Variants in CLNK observed in about 807,000 individuals in gnomAD.
CLNK encodes cytokine dependent hematopoietic cell linker, also known as cytokine-dependent hematopoietic cell linker.
In CLNK, 74 loss-of-function variants were observed where a neutral mutation model predicts 68.6. The observed-to-expected ratio is 1.08, with a 90% confidence interval of 0.89 to 1.31. The LOEUF (loss-of-function observed/expected upper bound fraction) is 1.31. CLNK is among the 50% of genes most tolerant of loss of function. The pLI is 0.00. For synonymous variants in CLNK, 198 were observed against 172.2 expected (o/e 1.15, Z -1.17); for missense variants, 553 against 515.3 (o/e 1.07, Z -0.71).
At chr4:10,717,389 A>G in the CLNK span, among the ~76,000 whole-genome samples, 1 of 152,196 alleles carries the variant, frequency 6.6e-6, no homozygotes, top group Admixed American at 6.5e-5. Flanking sequence ...TGAGGCCAAG[A>G]GTTTGAGACC....
the CLNK span, among the ~76,000 whole-genome samples, chr4:10,700,899 T>C: frequency 6.6e-6 from 1 of 152,314 alleles, no homozygotes; most frequent in African/African-American, 2.4e-5. Context: ...GCACATATAA[T>C]TACACAGATG....
intron 17 of CLNK, among the ~76,000 whole-genome samples, chr4:10,502,331 G>A (rs1717089658): frequency 6.6e-6 from 1 of 152,032 alleles, no homozygotes; most frequent in African/African-American, 2.4e-5. Context: ...TGAAGGGAGA[G>A]GAGCCCCTTA....
intron 2 of CLNK, among the ~76,000 whole-genome samples, chr4:10,666,744 T>C (rs901855931): frequency 1.3e-5 from 2 of 152,224 alleles, no homozygotes; most frequent in Non-Finnish European, 1.5e-5. Flanking sequence ...GAGGAGCCCA[T>C]CTGTGGACTA....
intron 11 of CLNK, among the ~76,000 whole-genome samples, chr4:10,537,206 G>A (rs953976256): frequency 2.6e-5 from 4 of 152,176 alleles, no homozygotes; most frequent in South Asian, 2.1e-4. Flanking sequence ...GGCTGGGCAC[G>A]GTGGCTCACG....
chr4:10,526,993 A>G (rs1386841703), intron 13 of CLNK, among the ~76,000 whole-genome samples: 1 of 152,216 alleles, frequency 6.6e-6, no homozygotes, highest in Non-Finnish European at 1.5e-5. Flanking sequence ...TACTCTGCCC[A>G]AGGTTCATCA....
At chr4:10,639,022 C>G (rs1723208179) in intron 2 of CLNK, among the ~76,000 whole-genome samples, 1 of 152,228 alleles carries the variant, frequency 6.6e-6, no homozygotes. Flanking sequence ...AGGGCTTCAG[C>G]ATATGCATGT....
At chr4:10,708,250 G>A in the CLNK span, among the ~76,000 whole-genome samples, 1 of 152,088 alleles carries the variant, frequency 6.6e-6, no homozygotes, top group Non-Finnish European at 1.5e-5. Context: ...TAATTTTTAT[G>A]TCAAAAGACT....
chr4:10,488,134 G>C lies in CLNK; in HGVS notation c.*2333C>G, dbSNP rs1405326766. 1 of 151,698 alleles carries C rather than the reference G, an allele frequency of 6.6e-6. No individual in the cohort carries two copies. The highest frequency in any genetic ancestry group is 2.4e-5 in the African/African-American group (1 of 41,230). The allele number at this position is 151,698 out of a possible 1,614,324, so 9.4% of individuals were successfully genotyped here. ...TTTTCTTCCTTTTCCCCTCATTCTT[G>C]CTGTCATCTTAAGGATGCTGAATTT... On this transcript the variant is annotated 3_prime_UTR_variant, in exon 19 of 19. Transcript: ENST00000226951.
chr4:10,603,858 C>T (rs1004070132), intron 2 of CLNK, among the ~76,000 whole-genome samples: 1 of 152,190 alleles, frequency 6.6e-6, no homozygotes, highest in Non-Finnish European at 1.5e-5. Flanking sequence ...GAGTGTAGTA[C>T]AAGATCATCT....
At chr4:10,634,642 C>T (rs533907815) in intron 2 of CLNK, among the ~76,000 whole-genome samples, 5 of 152,188 alleles carry the variant, frequency 3.3e-5, no homozygotes, top group Non-Finnish European at 7.4e-5. Flanking sequence ...TCAGAGGCAC[C>T]TCTGCATTTC....
At chr4:10,548,043 A>T (rs953739309) in intron 8 of CLNK, among the ~76,000 whole-genome samples, 2 of 152,094 alleles carry the variant, frequency 1.3e-5, no homozygotes, top group African/African-American at 4.8e-5. Context: ...TCTATTTTTA[A>T]TTTTTTAGAG....
chr4:10,521,842 C>G (rs1718079776), intron 14 of CLNK, among the ~76,000 whole-genome samples: 1 of 152,112 alleles, frequency 6.6e-6, no homozygotes, highest in Non-Finnish European at 1.5e-5. Context: ...CAAAATTTCT[C>G]TGCGCTAATA....
chr4:10,552,644 A>C (rs1455092855), intron 8 of CLNK, among the ~76,000 whole-genome samples: 2 of 152,070 alleles, frequency 1.3e-5, no homozygotes, highest in African/African-American at 2.4e-5. Context: ...ATCAATCAGC[A>C]GCAAGCACCT....
At chr4:10,510,242 A>G (rs1007573258) in intron 16 of CLNK, among the ~76,000 whole-genome samples, 3 of 152,148 alleles carry the variant, frequency 2.0e-5, no homozygotes, top group Admixed American at 6.6e-5. Context: ...GGAGGGGGGA[A>G]GTCCCCTTCT....
intron 2 of CLNK, among the ~76,000 whole-genome samples, chr4:10,635,116 C>G (rs575887179): frequency 6.6e-6 from 1 of 152,312 alleles, no homozygotes; most frequent in Non-Finnish European, 1.5e-5. Flanking sequence ...TATTAATTTA[C>G]TTATTTAAGC....
intron 1 of CLNK, among the ~76,000 whole-genome samples, chr4:10,676,939 T>C (rs1724898388): frequency 6.6e-6 from 1 of 151,680 alleles, no homozygotes; most frequent in Non-Finnish European, 1.5e-5. Context: ...CTAACAGATA[T>C]TTTATTTTAT....
At chr4:10,678,061 A>G (rs1724945604) in intron 1 of CLNK, among the ~76,000 whole-genome samples, 2 of 152,204 alleles carry the variant, frequency 1.3e-5, no homozygotes, top group Admixed American at 6.5e-5. Flanking sequence ...TTCATCTGTA[A>G]CTTCGAGTAC....
intron 18 of CLNK, among the ~76,000 whole-genome samples, chr4:10,495,559 G>A (rs559995954): frequency 1.2e-4 from 18 of 152,174 alleles, no homozygotes; most frequent in Non-Finnish European, 2.5e-4. Flanking sequence ...GGTGCTAAAT[G>A]ATTCCCCCCA....
At chr4:10,707,749 G>T in the CLNK span, among the ~76,000 whole-genome samples, 1 of 152,146 alleles carries the variant, frequency 6.6e-6, no homozygotes, top group Non-Finnish European at 1.5e-5. Flanking sequence ...TCTTGTGCCA[G>T]GGAATCATAG....
Sources: allele counts gnomAD v4.1 joint callset (sites outside exome capture counted in the v4.1 genomes callset), GRCh38; gene constraint gnomAD v4.1.1; transcripts MANE v1.5; gene names NCBI Gene and HGNC (gene_info 2026-07-23, HGNC 2026-07-21).